Variants in SETD2 observed in about 807,000 individuals in gnomAD.
SETD2 encodes the protein histone-lysine N-methyltransferase SETD2.
SETD2 carries 31 observed loss-of-function variants against 242.1 expected under a neutral mutation model. The ratio of observed to expected loss-of-function variants is 0.13; its 90% CI spans 0.10 to 0.17. The LOEUF is 0.17. Among genes scored for constraint, SETD2 ranks in the 10% least tolerant of loss-of-function variants. The pLI is 1.00. For synonymous variants in SETD2, 1,006 were observed against 1,066.5 expected, an observed-to-expected ratio of 0.94 and a Z score of 1.11; for missense variants, 2,481 against 3,046.3, an observed-to-expected ratio of 0.81 and a Z score of 4.37.
chr3:47,160,444 G>A (rs539397418), intron 1 of SETD2, among the ~76,000 whole-genome samples: 63 of 151,408 alleles, frequency 4.2e-4, no homozygotes, highest in African/African-American at 1.4e-3. Context: ...GGGATTACAG[G>A]CGCCTGCCAC....
chr3:47,047,852 G>A (rs975235575), intron 15 of SETD2, among the ~76,000 whole-genome samples: 1 of 152,144 alleles, frequency 6.6e-6, no homozygotes, highest in Non-Finnish European at 1.5e-5. Context: ...ATTGTTAGGA[G>A]ATTTCATTGT....
rs561674560 is a variant in SETD2 at position 47,017,054 on chromosome 3, T to C, written c.*39A>G. On this transcript the variant is annotated 3_prime_UTR_variant, in exon 21 of 21. Coordinates refer to ENST00000409792, the MANE Select transcript of SETD2 (RefSeq NM_014159.7). This position sits in a 1 kb window ranked among gnomAD's most constrained non-coding sequence, Gnocchi z 4.8. Reference sequence around the variant, plus strand: ...CAGGATTTCCTCTCCCTAGAGTCTGTCTTACCTGACCACCCATCCTCCCAC... The same window carrying C: ...CAGGATTTCCTCTCCCTAGAGTCTGCCTTACCTGACCACCCATCCTCCCAC... 5.9e-5 allele frequency: 94 copies of C among 1,605,942 alleles called. No homozygotes were observed. The South Asian group carries it at 1.0e-3, about 18-fold the overall frequency.
At chr3:47,125,531 C>T (rs2043298796) in intron 2 of SETD2, among the ~76,000 whole-genome samples, 1 of 151,996 alleles carries the variant, frequency 6.6e-6, no homozygotes, top group African/African-American at 2.4e-5. Flanking sequence ...TTTGGGAAAC[C>T]ACTGATACAG....
rs768398715 is a variant in SETD2 at position 47,121,676 on chromosome 3, CCTT to C, written c.2957_2959del (p.Glu986del). 22 of 1,613,640 alleles carry C rather than the reference CCTT, an allele frequency of 1.4e-5. No individual in the cohort carries two copies. Among genetic ancestry groups the C allele is most frequent in the South Asian group, 9.9e-5 (9 of 91,070 alleles). ...GTCATCAGAAGTATGCACATGTCCT[CCTT>C]CTCCTCTTTCATCTAAAGAGATTTC... On this transcript the variant is annotated inframe_deletion, in exon 3 of 21. Coordinates refer to ENST00000409792, the MANE Select transcript of SETD2 (RefSeq NM_014159.7).
Position 47,148,881 on chromosome 3 carries a change from A to G in SETD2, c.71+14973T>C, listed in dbSNP as rs569199418. Among the ~76,000 whole-genome samples, 5 of 152,334 alleles carry G rather than the reference A, an allele frequency of 3.3e-5. No individual in the cohort carries two copies. In the South Asian group the frequency reaches 1.0e-3, roughly 32 times the overall value. On this transcript the variant is annotated intron_variant, in intron 1 of 20. Transcript: ENST00000409792. ...TGGTGAATGAAGGCTTGAGTTTCAT[A>G]CGGGATTAAGCTCATTTCCAGTAAA...
chr3:47,061,877 C>A (rs1575708411), intron 14 of SETD2, among the ~76,000 whole-genome samples: 1 of 152,244 alleles, frequency 6.6e-6, no homozygotes, highest in East Asian at 1.9e-4. Flanking sequence ...CTCCCACCAA[C>A]CCCCATTGCG....
At chr3:47,062,404 T>C (rs1281917326) in intron 13 of SETD2, 58 bp from the exon 14 acceptor site, 1 of 1,453,446 alleles carries the variant, frequency 6.9e-7, no homozygotes, top group Non-Finnish European at 9.4e-7. Flanking sequence ...TTGGTGGACT[T>C]TTCTCCATCA....
At chr3:47,089,597 C>T (rs1048617114) in intron 9 of SETD2, among the ~76,000 whole-genome samples, 7 of 152,042 alleles carry the variant, frequency 4.6e-5, no homozygotes, top group African/African-American at 1.7e-4. Context: ...ATGTAAATAA[C>T]GGGGGGTGGG....
At chr3:47,116,533 A>G in intron 4 of SETD2, 90 bp downstream of exon 4, 1 of 1,344,602 alleles carries the variant, frequency 7.4e-7, no homozygotes, top group Non-Finnish European at 1.0e-6. Flanking sequence ...GGTAGGAGAA[A>G]GGTTAAATTT....
In SETD2 at chr3:47,124,079, G is replaced by C. The variant is rs78759480; in HGVS notation, c.557C>G (p.Pro186Arg). 6.4e-7 allele frequency: 1 copy of C among 1,551,698 alleles called. No homozygotes were observed. The highest frequency in any genetic ancestry group is 2.0e-5 in the Admixed American group (1 of 50,974). The change falls in exon 3 of 21, where the codon CCG (proline) becomes CGG (arginine). Residue 186 changes from proline (P) to arginine (R), a missense_variant. Physicochemically the swap from Pro to Arg is moderately radical, Grantham distance 103 (BLOSUM62 -2). Coordinates refer to ENST00000409792, the MANE Select transcript of SETD2 (RefSeq NM_014159.7). ...VIAESTTVDS[P>R]PSSPPPPPPP... The stretch of plus-strand genomic sequence containing the variant: ...AGGCGGTGGAGGCGGAGATGAGGGC[G>C]GTGAGTCTACAGTTGTTGATTCTGC...
chr3:47,057,403 T>C lies in SETD2; in HGVS notation c.6381A>G (p.Gln2127=). The change falls in exon 15 of 21, where the codon CAA becomes CAG. Residue 2127 remains glutamine (Q), a synonymous_variant. Coordinates refer to ENST00000409792, the MANE Select transcript of SETD2 (RefSeq NM_014159.7). ...STEERRKLFE[Q]EVAQREAQKQ... is the part of the protein sequence containing the mutation. ...TCTGAGCCTCCCGTTGAGCCACCTC[T>C]TGCTCAAACAACTTCCGGCGTTCCT... is the stretch of plus-strand genomic sequence containing the variant. The C allele has an allele frequency of 1.2e-6, 2 of 1,614,218 alleles. No homozygotes were observed. Among genetic ancestry groups the C allele is most frequent in the Middle Eastern group, 1.6e-4 (1 of 6,062 alleles).
At chr3:47,146,779 A>C (rs945378785) in intron 1 of SETD2, among the ~76,000 whole-genome samples, 2 of 151,762 alleles carry the variant, frequency 1.3e-5, no homozygotes, top group African/African-American at 4.8e-5. Context: ...TCTACAAAAA[A>C]ATTTTAGAAT....
chr3:47,019,635 C>G (rs1311949165), intron 19 of SETD2, 125 bp downstream of exon 19: 3 of 791,428 alleles, frequency 3.8e-6, no homozygotes, highest in African/African-American at 3.4e-5. Flanking sequence ...GACATACACA[C>G]AAGGAACACC....
chr3:47,017,121 T>C lies in SETD2; in HGVS notation c.7667A>G (p.Lys2556Arg), dbSNP rs2038014700. 1.9e-6 allele frequency: 3 copies of C among 1,614,202 alleles called. No homozygotes were observed. Among genetic ancestry groups the C allele is most frequent in the East Asian group, 2.2e-5 (1 of 44,894 alleles). Residue 2556 changes from lysine (K) to arginine (R), a missense_variant, in exon 21 of 21, where the codon AAA (lysine) becomes AGA (arginine). Lys to Arg is a conservative substitution (Grantham distance 26). Transcript: ENST00000409792. This position sits in a 1 kb window ranked among gnomAD's most constrained non-coding sequence, Gnocchi z 4.8. ...CTCTAATTCAGTGTCCTCTTTGGGT[T>C]TGTAAACAGCCCCAAACTTCTGCAT... Reference protein sequence around the residue: ...KYMQKFGAVYKPKEDTELE With the variant: ...KYMQKFGAVYRPKEDTELE
At chr3:47,019,927 C>T in intron 18 of SETD2, 87 bp from the exon 19 acceptor site, 2 of 1,120,656 alleles carry the variant, frequency 1.8e-6, no homozygotes, top group South Asian at 2.5e-5. Flanking sequence ...CCTTTCTTTC[C>T]CCTAGCAGGG....
At chr3:47,055,007 A>G (rs2039995446) in intron 15 of SETD2, among the ~76,000 whole-genome samples, 1 of 152,124 alleles carries the variant, frequency 6.6e-6, no homozygotes, top group Middle Eastern at 3.2e-3. Flanking sequence ...ACTTATCCCC[A>G]CTGGCTCCTC....
chr3:47,021,476 G>A (rs1237895671), intron 18 of SETD2, among the ~76,000 whole-genome samples: 5 of 152,118 alleles, frequency 3.3e-5, no homozygotes, highest in South Asian at 2.1e-4. Context: ...TGAGGTTGGC[G>A]GGGGATTGGT....
intron 13 of SETD2, 85 bp downstream of exon 13, chr3:47,066,985 A>T (rs2107599731): frequency 1.0e-6 from 1 of 973,910 alleles, no homozygotes; most frequent in Non-Finnish European, 1.6e-6. Flanking sequence ...AAAAACAAAA[A>T]CGCTTAAGTT....
At chr3:47,037,144 T>G (rs921885493) in intron 18 of SETD2, among the ~76,000 whole-genome samples, 4 of 150,202 alleles carry the variant, frequency 2.7e-5, no homozygotes, top group African/African-American at 9.8e-5. Flanking sequence ...TTTATTATTA[T>G]TATACTTTAA....
Sources: gnomAD v4.1 joint callset for allele counts (sites outside exome capture counted in the v4.1 genomes callset) on GRCh38, gnomAD v4.1.1 for gene constraint, Gnocchi (gnomAD v3.1) non-coding constraint, MANE v1.5 for transcripts, NCBI Gene and HGNC (gene_info 2026-07-23, HGNC 2026-07-21) for gene names.